The following PCDH15 variants were observed in gnomAD, a reference collection of about 807,000 sequenced individuals.
PCDH15 encodes the protein protocadherin related 15.
Under a neutral mutation model 178.5 loss-of-function variants are expected in PCDH15, and 129 were observed. The observed-to-expected ratio is 0.72, with a 90% CI of 0.63 to 0.84. PCDH15 has a LOEUF of 0.84. PCDH15 is among the 40% of genes least tolerant of loss of function. PCDH15 has a pLI of 0.00. For synonymous variants in PCDH15, 800 were observed against 732.0 expected (o/e 1.09, Z -1.50); for missense variants, 2,230 against 2,099.9 (o/e 1.06, Z -1.21).
Position 54,189,455 on chromosome 10 carries a change from G to C in PCDH15, c.1306-4187C>G. On this transcript the variant is annotated intron_variant, in intron 11 of 37. Coordinates refer to ENST00000644397, the MANE Select transcript of PCDH15 (RefSeq NM_001384140.1). ...TCACAACCGCACATATGAAGAAAAA[G>C]CAAACCACTTCCAGCACACTAGACT... 2.7e-6 allele frequency: 3 copies of C among 1,103,984 alleles called. No individual in the cohort carries two copies. The South Asian group carries it at 6.3e-5, about 23-fold the overall frequency. 68.4% of individuals were successfully genotyped at this position (1,103,984 alleles called of 1,614,324 possible).
chr10:54,417,215 C>T (rs1954561123), intron 3 of PCDH15, among the ~76,000 whole-genome samples: 1 of 152,020 alleles, frequency 6.6e-6, no homozygotes, highest in African/African-American at 2.4e-5. Context: ...TGTTATTCGC[C>T]AATGCTGCTA....
chr10:53,913,937 T>C (rs2083334657), intron 25 of PCDH15, among the ~76,000 whole-genome samples: 1 of 151,892 alleles, frequency 6.6e-6, no homozygotes, highest in South Asian at 2.1e-4. Flanking sequence ...AACAACACCG[T>C]CAAAAAGTGG....
intron 14 of PCDH15, among the ~76,000 whole-genome samples, chr10:54,143,956 G>C (rs574181358): frequency 5.3e-5 from 8 of 152,214 alleles, no homozygotes; most frequent in Admixed American, 5.2e-4. Flanking sequence ...TTCCAGAAAA[G>C]CCAGTGTAGG....
At chr10:54,352,681 C>T (rs1308322812) in intron 5 of PCDH15, among the ~76,000 whole-genome samples, 3 of 152,050 alleles carry the variant, frequency 2.0e-5, no homozygotes, top group Non-Finnish European at 4.4e-5. Flanking sequence ...TACATATCAG[C>T]CTATGTTAAA....
intron 17 of PCDH15, among the ~76,000 whole-genome samples, chr10:54,074,991 A>G (rs986363598): frequency 4.6e-5 from 7 of 151,976 alleles, no homozygotes; most frequent in Non-Finnish European, 7.4e-5. Flanking sequence ...GTTTTTTCAT[A>G]TGTTTACTGG....
At chr10:55,378,205 A>G (rs1837446089) in intron 2 of PCDH15, among the ~76,000 whole-genome samples, 1 of 152,156 alleles carries the variant, frequency 6.6e-6, no homozygotes, top group Admixed American at 6.6e-5. Context: ...CTTAAAGTAT[A>G]ATAATAATAA....
At chr10:54,395,262 G>T (rs1388493449) in intron 3 of PCDH15, among the ~76,000 whole-genome samples, 4 of 151,942 alleles carry the variant, frequency 2.6e-5, no homozygotes, top group African/African-American at 4.8e-5. Context: ...ATTAATTTGG[G>T]GAACTAATAA....
rs73261620 is a variant in PCDH15 at position 55,448,180 on chromosome 10, G to A, written c.-156+179445C>T. Among the ~76,000 whole-genome samples the A allele has an allele frequency of 5.8e-3, 889 of 152,086 alleles. 11 individuals are homozygous for A. Among genetic ancestry groups the A allele is most frequent in the African/African-American group, 0.02 (835 of 41,560 alleles). ...AAGTGAAAAAGGAGACAGGGGGATC[G>A]TAATTCCATAGGCATCTAATGACCT... is the stretch of plus-strand genomic sequence containing the variant. On this transcript the variant is annotated intron_variant, in intron 2 of 5. Coordinates refer to the PCDH15 transcript ENST00000613346.
intron 14 of PCDH15, among the ~76,000 whole-genome samples, chr10:54,135,628 G>A (rs1419816754): frequency 6.6e-6 from 1 of 152,126 alleles, no homozygotes. Context: ...GCTTCTTTTA[G>A]GGTCTGTTGT....
intron 5 of PCDH15, among the ~76,000 whole-genome samples, chr10:54,362,560 A>G (rs1445569846): frequency 1.3e-5 from 2 of 152,120 alleles, no homozygotes; most frequent in Non-Finnish European, 2.9e-5. Context: ...CATGTTATTA[A>G]TACTGAAAGA....
chr10:54,753,098 T>A (rs1373555106), intron 1 of PCDH15, among the ~76,000 whole-genome samples: 1 of 152,148 alleles, frequency 6.6e-6, no homozygotes, highest in Non-Finnish European at 1.5e-5. Flanking sequence ...AAATATTCCA[T>A]CAATGTTTGC....
chr10:54,913,426 C>A (rs1954850947), intron 2 of PCDH15, among the ~76,000 whole-genome samples: 2 of 152,162 alleles, frequency 1.3e-5, no homozygotes, highest in South Asian at 4.1e-4. Flanking sequence ...GGAGCCTCTG[C>A]CCAAATTTCA....
At chr10:54,971,551 G>A (rs1838931562) in intron 2 of PCDH15, among the ~76,000 whole-genome samples, 1 of 152,098 alleles carries the variant, frequency 6.6e-6, no homozygotes, top group Non-Finnish European at 1.5e-5. Context: ...AACAAAGATG[G>A]CAGTACAATG....
At chr10:53,960,397 C>T (rs775978230) in intron 22 of PCDH15, among the ~76,000 whole-genome samples, 3 of 152,092 alleles carry the variant, frequency 2.0e-5, no homozygotes, top group Non-Finnish European at 4.4e-5. Context: ...GGTATACTAT[C>T]TCTTAAAAAC....
At position 54,092,334 on chromosome 10, in the gene PCDH15, T is replaced by G; in HGVS notation, c.1918-2271A>C. ...TTTTACTAACGTGTTGCTTCTTCCC[T>G]TGTATCCTCACAATAGTCAATTTTC... is the stretch of plus-strand genomic sequence containing the variant. On this transcript the variant is annotated intron_variant, in intron 15 of 37. Coordinates refer to ENST00000644397, the MANE Select transcript of PCDH15 (RefSeq NM_001384140.1). Among the ~76,000 whole-genome samples the G allele has an allele frequency of 1.3e-5, 2 of 152,158 alleles. 1 individual carries two copies.
intron 2 of PCDH15, among the ~76,000 whole-genome samples, chr10:55,595,083 A>G (rs1842913091): frequency 6.6e-6 from 1 of 152,036 alleles, no homozygotes; most frequent in Non-Finnish European, 1.5e-5. Context: ...GTTGAATATG[A>G]AAACTATACA....
At chr10:55,461,639 G>A (rs1839681160) in intron 2 of PCDH15, among the ~76,000 whole-genome samples, 1 of 151,992 alleles carries the variant, frequency 6.6e-6, no homozygotes, top group Admixed American at 6.6e-5. Flanking sequence ...AAATATCCCA[G>A]ATATAAGGTC....
At chr10:55,480,388 G>A (rs1308970792) in intron 2 of PCDH15, among the ~76,000 whole-genome samples, 1 of 151,714 alleles carries the variant, frequency 6.6e-6, no homozygotes, top group African/African-American at 2.4e-5. Context: ...TGATGACAGA[G>A]GGCATCTTTT....
chr10:53,963,945 C>G (rs1238000137), intron 21 of PCDH15, among the ~76,000 whole-genome samples: 2 of 152,152 alleles, frequency 1.3e-5, no homozygotes, highest in South Asian at 2.1e-4. Flanking sequence ...AAAATAAATA[C>G]AAAGTTGTTA....
Sources: allele counts gnomAD v4.1 joint callset (sites outside exome capture counted in the v4.1 genomes callset), GRCh38; gene constraint gnomAD v4.1.1; transcripts MANE v1.5; gene names NCBI Gene and HGNC (gene_info 2026-07-23, HGNC 2026-07-21).